DDX60L: variants seen among roughly 807,000 people sequenced by gnomAD.
DDX60L encodes the protein probable ATP-dependent RNA helicase DDX60-like.
Under a neutral mutation model 211.6 loss-of-function variants are expected in DDX60L, and 191 were observed. That is an observed-to-expected ratio of 0.90 (90% CI 0.80 to 1.02). The LOEUF is 1.02. Among genes scored for constraint, DDX60L ranks in the 50% least tolerant of loss-of-function variants. The pLI is 0.00. For missense variants in DDX60L, 2,007 were observed against 1,984.1 expected (o/e 1.01, Z -0.22); for synonymous variants, 706 against 694.1 (o/e 1.02, Z -0.27).
Position 168,419,371 on chromosome 4 carries a change from A to G in DDX60L, c.2541T>C (p.Phe847=), listed in dbSNP as rs371791071. ...CQVLITVPEC[F]EILLLAPHRQ... is the part of the protein sequence containing the mutation. ...GATGAGGAGCAAGCAACAGGATTTC[A>G]AAACATTCCGGCACTGTAATAAGTA... The change falls in exon 19 of 38, where the codon TTT becomes TTC. Residue 847 remains phenylalanine, a synonymous_variant. Transcript: ENST00000682922. 61 of 1,594,772 alleles carry G rather than the reference A, an allele frequency of 3.8e-5. No homozygotes were observed. Among genetic ancestry groups the G allele is most frequent in the Middle Eastern group, 3.3e-4 (2 of 6,048 alleles).
chr4:168,415,471 T>C lies in DDX60L; in HGVS notation c.2916A>G (p.Ser972=). The C allele has an allele frequency of 4.4e-6, 7 of 1,606,208 alleles. No individual in the cohort carries two copies. The highest frequency in any genetic ancestry group is 6.0e-6 in the Non-Finnish European group (7 of 1,175,198). The part of the protein sequence containing the change: ...RYNDLEKHIC[S]VKHDDVYFDH... ...CAAAATAAACATCATCATGTTTTAC[T>C]GAACATATATGCTTCTCTAAATCAT... The change falls in exon 22 of 38, where the codon TCA becomes TCG. Residue 972 remains serine (S), a synonymous_variant. Transcript: ENST00000682922.
chr4:168,377,062 G>A lies in DDX60L; in HGVS notation c.4485+1292C>T, dbSNP rs557216927. On this transcript the variant is annotated intron_variant, in intron 33 of 37. Transcript: ENST00000682922. Reference sequence around the variant, plus strand: ...TCCCACCACTTTGGGAAGCCAAGGCGGGCGCATCACTTGAGGTCAGGAGTT... The same window carrying A: ...TCCCACCACTTTGGGAAGCCAAGGCAGGCGCATCACTTGAGGTCAGGAGTT... 1.8e-4 allele frequency among the ~76,000 whole-genome samples: 27 copies of A among 152,182 alleles called. 1 individual carries two copies. Among genetic ancestry groups the A allele is most frequent in the African/African-American group, 5.3e-4 (22 of 41,524 alleles).
At position 168,449,204 on chromosome 4, in the gene DDX60L, G is replaced by A. The variant is rs189869717; in HGVS notation, c.997-425C>T. ...CTGGTGAGCAGGAAGAAGTTAGAGC[G>A]GTCTTTGCCCTTTTTCCATCTTCTT... On this transcript the variant is annotated intron_variant, in intron 8 of 37. Transcript: ENST00000682922. 1.1e-4 allele frequency among the ~76,000 whole-genome samples: 17 copies of A among 152,066 alleles called. No homozygotes were observed. In the East Asian group the frequency reaches 1.7e-3, roughly 16 times the overall value.
chr4:168,380,013 A>G (rs1208611507), intron 30 of DDX60L, 183 bp from the exon 31 acceptor site: 2 of 482,482 alleles, frequency 4.1e-6, no homozygotes, highest in Non-Finnish European at 7.3e-6. Flanking sequence ...GCTTCCTTGA[A>G]TTAAATACAT....
intron 13 of DDX60L, 52 bp downstream of exon 13, chr4:168,430,426 G>C (rs1159255087): frequency 6.7e-7 from 1 of 1,481,954 alleles, no homozygotes; most frequent in Non-Finnish European, 9.0e-7. Flanking sequence ...TGAGCCTAAA[G>C]AAAACAAAAC....
intron 34 of DDX60L, among the ~76,000 whole-genome samples, chr4:168,374,300 T>A (rs1161800465): frequency 1.3e-5 from 2 of 152,176 alleles, no homozygotes; most frequent in Non-Finnish European, 2.9e-5. Context: ...GCTCATGCTG[T>A]GTCCTACATC....
At position 168,394,427 on chromosome 4, in the gene DDX60L, C is replaced by T. The variant is rs372128467; in HGVS notation, c.3810+38G>A. The T allele has an allele frequency of 3.3e-5, 51 of 1,534,624 alleles. No homozygotes were observed. In the African/African-American group the frequency reaches 6.8e-4, roughly 20 times the overall value. ...TAGTGGTATTCAGCATCATAATATG[C>T]ACAACTTTATTTTTTAAATGCAAAG... On this transcript the variant is annotated intron_variant, in intron 28 of 37. Coordinates refer to ENST00000682922, the MANE Select transcript of DDX60L (RefSeq NM_001012967.3).
chr4:168,449,643 A>AAAAAGGC, intron 8 of DDX60L, among the ~76,000 whole-genome samples: 1 of 75,524 alleles, frequency 1.3e-5, no homozygotes, highest in Non-Finnish European at 2.4e-5. Flanking sequence ...AAAACAAAAA[A>AAAAAGGC]AAAAAATGCA....
chr4:168,437,094 T>C (rs1216127330), intron 10 of DDX60L, among the ~76,000 whole-genome samples: 2 of 152,182 alleles, frequency 1.3e-5, no homozygotes, highest in African/African-American at 2.4e-5. Context: ...ATGCAAACAG[T>C]ACTCTATGGG....
At chr4:168,410,245 G>A (rs1748452931) in intron 22 of DDX60L, among the ~76,000 whole-genome samples, 1 of 152,068 alleles carries the variant, frequency 6.6e-6, no homozygotes, top group African/African-American at 2.4e-5. Flanking sequence ...TTCCATCCAT[G>A]TGGAGAGATC....
At chr4:168,459,776 G>GAAGGAAGGAAGGAAGA (rs1337700010) in intron 5 of DDX60L, among the ~76,000 whole-genome samples, 1 of 98,800 alleles carries the variant, frequency 1.0e-5, no homozygotes, top group Non-Finnish European at 2.0e-5. Flanking sequence ...AGGAAGGAGG[G>GAAGGAAGGAAGGAAGA]AAGGAAGGAA....
At chr4:168,427,393 A>T (rs1305012197) in intron 13 of DDX60L, 71 bp from the exon 14 acceptor site, 14 of 1,517,052 alleles carry the variant, frequency 9.2e-6, no homozygotes, top group Non-Finnish European at 1.2e-5. Flanking sequence ...TAGTGAGATT[A>T]TTTTTTGTGC....
In DDX60L at chr4:168,423,777, T is replaced by G. The variant is rs1385826076; in HGVS notation, c.1931-3A>C. 1 of 1,558,352 alleles carries G rather than the reference T, an allele frequency of 6.4e-7. No individual in the cohort carries two copies. The highest frequency in any genetic ancestry group is 8.6e-7 in the Non-Finnish European group (1 of 1,157,776). The stretch of plus-strand genomic sequence containing the variant: ...ACTTAAATCTTTCGAAATTTTGCCT[T>G]GTTAAAGAAACAATAAAATTGTTAT... On this transcript the variant is annotated splice_region_variant and splice_polypyrimidine_tract_variant and intron_variant, in intron 14 of 37. Transcript: ENST00000682922.
In DDX60L at chr4:168,448,688, T is replaced by C. The variant is rs747902502; in HGVS notation, c.1088A>G (p.Glu363Gly). ...GAAGGCTATATTCTTTAACAATTGC[T>C]CATCATACAAGTCAGAAACATGATT... ...NLNHVSDLYD[E>G]QLLKNIAFYY... The change falls in exon 9 of 38, where the codon GAG (glutamate) becomes GGG (glycine). Residue 363 changes from glutamate to glycine, a missense_variant. By Grantham distance (98) the Glu-to-Gly change is moderately conservative (BLOSUM62 -2). Transcript: ENST00000682922. The C allele has an allele frequency of 6.3e-7, 1 of 1,597,884 alleles. No homozygotes were observed. Among genetic ancestry groups the C allele is most frequent in the Non-Finnish European group, 8.6e-7 (1 of 1,167,428 alleles).
intron 35 of DDX60L, among the ~76,000 whole-genome samples, chr4:168,372,981 T>C (rs971954248): frequency 1.4e-4 from 22 of 152,302 alleles, no homozygotes; most frequent in African/African-American, 5.3e-4. Flanking sequence ...GAACCTGAAA[T>C]TGCATTAGCA....
intron 24 of DDX60L, among the ~76,000 whole-genome samples, chr4:168,405,238 C>T (rs1407399733): frequency 1.3e-5 from 2 of 152,134 alleles, no homozygotes; most frequent in African/African-American, 4.8e-5. Context: ...AAGCTTCTGG[C>T]CTCAAGTGAT....
At position 168,461,723 on chromosome 4, in the gene DDX60L, G is replaced by C. The variant is rs1757343170; in HGVS notation, c.582C>G (p.Asp194Glu). ...CCTCCTTGGAAAAAGTTTGGTTTCT[G>C]TCTGTGCTTTCCATAGTATATGCAT... is the stretch of plus-strand genomic sequence containing the variant. The part of the protein sequence containing the change: ...RFYAYTMEST[D>E]RNQTFSKENE... The change falls in exon 5 of 38, where the codon GAC becomes GAG. Residue 194 changes from aspartate to glutamate, a missense_variant. Transcript: ENST00000682922. The C allele has an allele frequency of 6.4e-7, 1 of 1,565,778 alleles. No individual in the cohort carries two copies. Among genetic ancestry groups the C allele is most frequent in the Non-Finnish European group, 8.7e-7 (1 of 1,153,166 alleles).
In DDX60L at chr4:168,422,743, G is replaced by A; in HGVS notation, c.2098-73C>T. On this transcript the variant is annotated intron_variant, in intron 15 of 37. Coordinates refer to ENST00000682922, the MANE Select transcript of DDX60L (RefSeq NM_001012967.3). ...AATAAACATTTATTAAATATCCACT[G>A]AGCACATTCTATGCACAAGGCATTT... 5.9e-6 allele frequency: 7 copies of A among 1,192,304 alleles called. 1 individual carries two copies. The highest frequency in any genetic ancestry group is 8.2e-6 in the Non-Finnish European group (7 of 848,912). The allele number at this position is 1,192,304 out of a possible 1,614,324, so 73.9% of individuals were successfully genotyped here. A position where few individuals can be genotyped will look rare whatever the true frequency, so the allele number is the denominator to read the frequency against.
At chr4:168,358,518 CTTTTTCTTTT>C (rs1738520646) in intron 37 of DDX60L, among the ~76,000 whole-genome samples, 4 of 127,996 alleles carry the variant, frequency 3.1e-5, no homozygotes, top group African/African-American at 2.8e-5. Context: ...TTTCTTTTTT[CTTTTTCTTTT>C]TTTTTTTTTT....
Sources: gnomAD v4.1 joint callset for allele counts (sites outside exome capture counted in the v4.1 genomes callset) on GRCh38, gnomAD v4.1.1 for gene constraint, MANE v1.5 for transcripts, NCBI Gene and HGNC (gene_info 2026-07-23, HGNC 2026-07-21) for gene names.